Variants in VAC14 observed in about 807,000 individuals in gnomAD.
The protein encoded by VAC14 is protein VAC14 homolog.
VAC14 carries 47 observed loss-of-function variants against 85.3 expected under a neutral mutation model. That is an observed-to-expected ratio of 0.55 (90% CI 0.44 to 0.70). VAC14 has a LOEUF of 0.70. Among genes scored for constraint, VAC14 ranks in the 30% least tolerant of loss-of-function variants. The probability of loss-of-function intolerance (pLI) is 0.00; values close to 1 mark genes in which losing one functional copy is unlikely to be tolerated. For synonymous variants in VAC14, 447 were observed against 430.5 expected (o/e 1.04, Z -0.47); for missense variants, 861 against 1,004.3 (o/e 0.86, Z 1.93).
At chr16:70,780,964 T>C in intron 8 of VAC14, 25 bp from the exon 9 acceptor site, 2 of 1,613,348 alleles carry the variant, frequency 1.2e-6, no homozygotes, top group Non-Finnish European at 8.5e-7. Context: ...GTAAGGAGCG[T>C]GATCTGATTT....
At chr16:70,745,275 C>T (rs908471252) in intron 12 of VAC14, among the ~76,000 whole-genome samples, 1 of 152,200 alleles carries the variant, frequency 6.6e-6, no homozygotes, top group Admixed American at 6.5e-5. Flanking sequence ...GGGACCAGTG[C>T]TGAGTGTGAG....
At chr16:70,763,057 T>G (rs1478875594) in intron 10 of VAC14, 32 bp from the exon 11 acceptor site, 2 of 1,613,316 alleles carry the variant, frequency 1.2e-6, no homozygotes, top group Non-Finnish European at 1.7e-6. Context: ...AGAGCAGAGG[T>G]GAAGCCCACC....
At chr16:70,690,247 C>A in intron 18 of VAC14, 9 of 985,402 alleles carry the variant, frequency 9.1e-6, no homozygotes, top group Non-Finnish European at 9.6e-6. Context: ...GGGAGCAGGG[C>A]GGGCTGTGTC....
chr16:70,737,061 A>T (rs1414189229), intron 13 of VAC14, among the ~76,000 whole-genome samples: 1 of 152,200 alleles, frequency 6.6e-6, no homozygotes, highest in Non-Finnish European at 1.5e-5. Flanking sequence ...GCAGGGCTGC[A>T]GGCTCAGGAG....
At chr16:70,748,535 G>A (rs2031105767) in intron 12 of VAC14, among the ~76,000 whole-genome samples, 1 of 152,246 alleles carries the variant, frequency 6.6e-6, no homozygotes, top group Admixed American at 6.5e-5. Context: ...GCAGAACCAC[G>A]TGGCACATTC....
At chr16:70,742,033 G>A (rs945762424) in intron 13 of VAC14, among the ~76,000 whole-genome samples, 1 of 152,218 alleles carries the variant, frequency 6.6e-6, no homozygotes, top group Non-Finnish European at 1.5e-5. Context: ...CCATGAGCAG[G>A]AGCCTAAATC....
Position 70,780,956 on chromosome 16 carries a change from A to T in VAC14, c.947-17T>A. The T allele has an allele frequency of 1.2e-6, 2 of 1,613,800 alleles. No homozygotes were observed. Among genetic ancestry groups the T allele is most frequent in the Middle Eastern group, 1.6e-4 (1 of 6,062 alleles). On this transcript the variant is annotated splice_polypyrimidine_tract_variant and intron_variant, in intron 8 of 18. Coordinates refer to ENST00000261776, the MANE Select transcript of VAC14 (RefSeq NM_018052.5). ...CTTTGATGCCTGAGTCCACTGATGT[A>T]AGGAGCGTGATCTGATTTGGATGCC... is the stretch of plus-strand genomic sequence containing the variant.
At chr16:70,795,624 A>G (rs937608857) in intron 1 of VAC14, among the ~76,000 whole-genome samples, 3 of 152,074 alleles carry the variant, frequency 2.0e-5, no homozygotes, top group Non-Finnish European at 4.4e-5. Context: ...ACCTGTTCAC[A>G]GAGCTCCAGG....
At chr16:70,726,866 G>A (rs770299543) in intron 14 of VAC14, among the ~76,000 whole-genome samples, 2 of 152,198 alleles carry the variant, frequency 1.3e-5, no homozygotes, top group Non-Finnish European at 2.9e-5. Flanking sequence ...CACCAGAAAA[G>A]GAGGCTGTGT....
chr16:70,752,128 C>A (rs1409497938), intron 12 of VAC14, among the ~76,000 whole-genome samples: 2 of 152,188 alleles, frequency 1.3e-5, no homozygotes, highest in African/African-American at 4.8e-5. Context: ...TGAACACAAA[C>A]CCTGGGGGAT....
intron 13 of VAC14, among the ~76,000 whole-genome samples, chr16:70,743,729 T>C (rs916659715): frequency 6.6e-6 from 1 of 152,182 alleles, no homozygotes; most frequent in Admixed American, 6.5e-5. Flanking sequence ...CTAGGAGCCC[T>C]GTGTGGATGT....
intron 12 of VAC14, among the ~76,000 whole-genome samples, chr16:70,745,502 TGTGTGTGTGTGTGTGTGCGC>T (rs1483448554): frequency 1.4e-5 from 2 of 147,780 alleles, no homozygotes; most frequent in African/African-American, 5.3e-5. Context: ...TGTGTGTGTG[TGTGTGTGTGTGTGTGTGCGC>T]GTGTGCGCGC....
chr16:70,698,807 G>A lies in VAC14; in HGVS notation c.1666C>T (p.Leu556=). The change falls in exon 15 of 19, where the codon CTG becomes TTG. Residue 556 remains leucine, a synonymous_variant. Coordinates refer to ENST00000261776, the MANE Select transcript of VAC14 (RefSeq NM_018052.5). The part of the protein sequence containing the change: ...EVRGPFIIRQ[L]CLLLNAENIF... Reference sequence around the variant, plus strand: ...TTCTCCGCATTCAGCAGGAGGCACAGCTGCCTGGAGAGCAGGCAGACTGGG... The same window carrying A: ...TTCTCCGCATTCAGCAGGAGGCACAACTGCCTGGAGAGCAGGCAGACTGGG... 1 of 1,613,782 alleles carries A rather than the reference G, an allele frequency of 6.2e-7. No homozygotes were observed. Among genetic ancestry groups the A allele is most frequent in the Non-Finnish European group, 8.5e-7 (1 of 1,179,956 alleles).
intron 15 of VAC14, among the ~76,000 whole-genome samples, chr16:70,697,800 C>T (rs1433477858): frequency 6.6e-6 from 1 of 152,240 alleles, no homozygotes; most frequent in Middle Eastern, 3.2e-3. Context: ...AGGAGGGAGG[C>T]AGGGCTGTGG....
intron 14 of VAC14, among the ~76,000 whole-genome samples, chr16:70,724,835 G>A (rs955648197): frequency 6.6e-6 from 1 of 152,214 alleles, no homozygotes; most frequent in Non-Finnish European, 1.5e-5. Flanking sequence ...CCTCCTGCCT[G>A]TTCAATGTCC....
At chr16:70,786,089 G>A (rs796689561) in intron 2 of VAC14, 126 bp downstream of exon 2, 35 of 1,472,244 alleles carry the variant, frequency 2.4e-5, no homozygotes, top group African/African-American at 4.2e-5. Context: ...TCTCAGGTGC[G>A]GACAGAGTGG....
At chr16:70,746,113 C>T (rs2030868933) in intron 12 of VAC14, among the ~76,000 whole-genome samples, 1 of 152,206 alleles carries the variant, frequency 6.6e-6, no homozygotes, top group Non-Finnish European at 1.5e-5. Flanking sequence ...CCTGTCAATG[C>T]AAACACAGTG....
At chr16:70,712,663 A>C (rs925286759) in intron 14 of VAC14, among the ~76,000 whole-genome samples, 4 of 152,216 alleles carry the variant, frequency 2.6e-5, no homozygotes, top group African/African-American at 4.8e-5. Context: ...ATGCACAGAA[A>C]GGGCTGCAGA....
intron 18 of VAC14, chr16:70,689,324 G>A (rs1473948534): frequency 1.1e-5 from 11 of 985,438 alleles, no homozygotes; most frequent in South Asian, 4.7e-5. Flanking sequence ...CCCCTCCAAC[G>A]TGAGGCCAGC....
Sources: allele counts gnomAD v4.1 joint callset (sites outside exome capture counted in the v4.1 genomes callset), GRCh38; gene constraint gnomAD v4.1.1; transcripts MANE v1.5; gene names NCBI Gene and HGNC (gene_info 2026-07-23, HGNC 2026-07-21).